The following PTPRK variants were observed in gnomAD, a reference collection of about 807,000 sequenced individuals.
PTPRK encodes receptor-type tyrosine-protein phosphatase kappa.
PTPRK carries 75 observed loss-of-function variants against 178.0 expected under a neutral mutation model. That is an observed-to-expected ratio of 0.42 (90% CI 0.35 to 0.51). The LOEUF (loss-of-function observed/expected upper bound fraction) is 0.51. Among genes scored for constraint, PTPRK ranks in the 20% least tolerant of loss-of-function variants. PTPRK has a pLI of 0.02. For synonymous variants in PTPRK, 637 were observed against 620.6 expected (o/e 1.03, Z -0.39); for missense variants, 1,441 against 1,797.8 (o/e 0.80, Z 3.59).
chr6:128,180,579 A>G (rs923826481), intron 7 of PTPRK, among the ~76,000 whole-genome samples: 6 of 152,114 alleles, frequency 3.9e-5, no homozygotes, highest in African/African-American at 1.4e-4. Flanking sequence ...CCAAATGATT[A>G]TAATGCACTT....
chr6:128,215,229 G>T (rs1041103779), intron 6 of PTPRK, among the ~76,000 whole-genome samples: 1 of 152,166 alleles, frequency 6.6e-6, no homozygotes, highest in Non-Finnish European at 1.5e-5. Context: ...AGGTCAGCTG[G>T]TTCGAGATGT....
chr6:128,329,721 G>A (rs1830024363), intron 2 of PTPRK, among the ~76,000 whole-genome samples: 2 of 151,568 alleles, frequency 1.3e-5, no homozygotes, highest in Non-Finnish European at 2.9e-5. Context: ...CACCCACAGT[G>A]GGAGGGCTAT....
intron 8 of PTPRK, chr6:128,084,995 A>G (rs1038391327): frequency 7.2e-5 from 11 of 152,204 alleles, no homozygotes. Flanking sequence ...CACTGGATCA[A>G]GGGAAATACA....
chr6:128,490,274 G>A (rs150758722), intron 1 of PTPRK, among the ~76,000 whole-genome samples: 4 of 152,240 alleles, frequency 2.6e-5, no homozygotes, highest in East Asian at 1.9e-4. Context: ...AAGTTAATTC[G>A]TGACAAGAAA....
chr6:128,033,606 G>T (rs1200080597), intron 13 of PTPRK, among the ~76,000 whole-genome samples: 2 of 152,176 alleles, frequency 1.3e-5, no homozygotes, highest in African/African-American at 4.8e-5. Context: ...GCACAGTGGT[G>T]CATGCCTGTG....
intron 3 of PTPRK, among the ~76,000 whole-genome samples, chr6:128,298,678 G>C (rs1412782922): frequency 6.6e-6 from 1 of 152,096 alleles, no homozygotes; most frequent in Admixed American, 6.6e-5. Flanking sequence ...AACCCTTCAT[G>C]CTAAAAACTC....
At chr6:128,486,307 T>C (rs542121966) in intron 1 of PTPRK, among the ~76,000 whole-genome samples, 1 of 152,302 alleles carries the variant, frequency 6.6e-6, no homozygotes, top group South Asian at 2.1e-4. Flanking sequence ...TTCTTGGACC[T>C]TGTCAACATC....
chr6:128,273,111 A>C (rs527587900), intron 3 of PTPRK, among the ~76,000 whole-genome samples: 1 of 152,266 alleles, frequency 6.6e-6, no homozygotes, highest in South Asian at 2.1e-4. Flanking sequence ...AGGATAGAAA[A>C]CCAAACACTG....
At chr6:128,090,228 G>C (rs1786688604) in intron 7 of PTPRK, among the ~76,000 whole-genome samples, 1 of 152,106 alleles carries the variant, frequency 6.6e-6, no homozygotes, top group South Asian at 2.1e-4. Flanking sequence ...CGGTACTCAG[G>C]AACTTGGCAG....
intron 3 of PTPRK, among the ~76,000 whole-genome samples, chr6:128,306,582 C>A (rs1826413534): frequency 6.6e-6 from 1 of 151,908 alleles, no homozygotes; most frequent in Non-Finnish European, 1.5e-5. Context: ...TAGCTTGAGG[C>A]CAGGAGTTCA....
chr6:128,289,599 A>G (rs933477146), intron 3 of PTPRK, among the ~76,000 whole-genome samples: 2 of 152,118 alleles, frequency 1.3e-5, no homozygotes, highest in Non-Finnish European at 2.9e-5. Flanking sequence ...TACCTTTTAA[A>G]TAACATATTT....
chr6:128,168,207 C>G (rs1165411641), intron 7 of PTPRK, among the ~76,000 whole-genome samples: 1 of 152,026 alleles, frequency 6.6e-6, no homozygotes, highest in African/African-American at 2.4e-5. Flanking sequence ...CAATTTAATT[C>G]TTTCTTGCAT....
chr6:128,352,031 T>G (rs1235877594), intron 2 of PTPRK, among the ~76,000 whole-genome samples: 1 of 151,706 alleles, frequency 6.6e-6, no homozygotes, highest in Non-Finnish European at 1.5e-5. Context: ...CTAAGGCAGG[T>G]GGATCACGAG....
rs1033259964 is a variant in PTPRK, at chr6:127,977,142, G to C, written c.3712-88C>G. On this transcript the variant is annotated intron_variant, in intron 25 of 29. Transcript: ENST00000368226. ...ACAGATACAATACACTTCAATGTAGGACCAGTAAGATGCAATAGCTTCATA... is the reference window on the plus strand; with the variant it reads ...ACAGATACAATACACTTCAATGTAGCACCAGTAAGATGCAATAGCTTCATA... 6 of 1,339,438 alleles carry C rather than the reference G, an allele frequency of 4.5e-6. No homozygotes were observed. In the East Asian group the frequency reaches 9.3e-5, roughly 21 times the overall value. The allele number at this position is 1,339,438 out of a possible 1,614,324, so 83.0% of individuals were successfully genotyped here.
intron 7 of PTPRK, among the ~76,000 whole-genome samples, chr6:128,181,974 C>G (rs917606985): frequency 1.3e-5 from 2 of 151,882 alleles, no homozygotes; most frequent in Non-Finnish European, 2.9e-5. Context: ...AAATAGTAAC[C>G]ATGGTTTCTC....
chr6:128,013,057 T>G (rs1779219978), intron 13 of PTPRK, among the ~76,000 whole-genome samples: 1 of 151,374 alleles, frequency 6.6e-6, no homozygotes, highest in African/African-American at 2.4e-5. Flanking sequence ...CTTGCAAGTT[T>G]CTGAATTCAA....
At chr6:128,145,233 G>C (rs1378236553) in intron 7 of PTPRK, among the ~76,000 whole-genome samples, 1 of 151,956 alleles carries the variant, frequency 6.6e-6, no homozygotes, top group Non-Finnish European at 1.5e-5. Context: ...TAAGAGGGTA[G>C]TTCTTGTGTT....
At chr6:128,228,490 C>CAA (rs1173094515) in intron 5 of PTPRK, among the ~76,000 whole-genome samples, 2,185 of 74,938 alleles carry the variant, frequency 0.029, 49 homozygotes, top group African/African-American at 0.059. Flanking sequence ...ACTAAAAATA[C>CAA]AAAAAAAAAA....
chr6:127,983,481 A>T, intron 22 of PTPRK, 104 bp from the exon 23 acceptor site: 1 of 1,245,844 alleles, frequency 8.0e-7, no homozygotes, highest in African/African-American at 1.5e-5. Flanking sequence ...AAATTGATTT[A>T]ACAAACTGCA....
Sources: allele counts gnomAD v4.1 joint callset (sites outside exome capture counted in the v4.1 genomes callset), GRCh38; gene constraint gnomAD v4.1.1; transcripts MANE v1.5; gene names NCBI Gene and HGNC (gene_info 2026-07-23, HGNC 2026-07-21).